TMEM163: variants seen among roughly 807,000 people sequenced by gnomAD.
TMEM163 encodes the protein transmembrane protein 163.
TMEM163 carries 17 observed loss-of-function variants against 29.3 expected under a neutral mutation model. That is an observed-to-expected ratio of 0.58 (90% CI 0.40 to 0.87). The LOEUF (loss-of-function observed/expected upper bound fraction) is 0.87, where lower values mean the gene tolerates loss of function less well. TMEM163 is among the 40% of genes least tolerant of loss of function. The pLI is 0.00. For synonymous variants in TMEM163, 157 were observed against 160.6 expected (o/e 0.98, Z 0.17); for missense variants, 303 against 381.5 (o/e 0.79, Z 1.71).
intron 2 of TMEM163, among the ~76,000 whole-genome samples, chr2:134,653,085 CT>C (rs1240162169): frequency 1.6e-5 from 2 of 121,762 alleles, no homozygotes; most frequent in Non-Finnish European, 3.3e-5. Context: ...AGGATTCCCT[CT>C]TTTTCTATTG....
chr2:134,576,824 A>G (rs1049494470), intron 2 of TMEM163, among the ~76,000 whole-genome samples: 1 of 152,234 alleles, frequency 6.6e-6, no homozygotes, highest in African/African-American at 2.4e-5. Flanking sequence ...GGAAAACACT[A>G]TCTCAGGATG....
At chr2:134,504,530 G>A (rs842128) in intron 4 of TMEM163, among the ~76,000 whole-genome samples, 29,742 of 151,182 alleles carry the variant, frequency 0.2, 3,285 homozygotes, top group South Asian at 0.37. Context: ...ACAGTGACAA[G>A]GACACAACCT....
At chr2:134,558,184 G>A (rs1681090005) in intron 2 of TMEM163, among the ~76,000 whole-genome samples, 1 of 152,084 alleles carries the variant, frequency 6.6e-6, no homozygotes, top group Non-Finnish European at 1.5e-5. Flanking sequence ...CATCTTTCTA[G>A]GTCAAATCAC....
At chr2:134,526,606 G>A (rs1680304713) in intron 4 of TMEM163, among the ~76,000 whole-genome samples, 1 of 152,174 alleles carries the variant, frequency 6.6e-6, no homozygotes, top group Non-Finnish European at 1.5e-5. Context: ...AATTATGCTA[G>A]ACAAATCAAC....
At chr2:134,566,678 A>G (rs1431184037) in intron 2 of TMEM163, among the ~76,000 whole-genome samples, 4 of 152,212 alleles carry the variant, frequency 2.6e-5, no homozygotes, top group South Asian at 2.1e-4. Flanking sequence ...GTTTATCAAA[A>G]TGTAAGATAT....
chr2:134,561,142 A>G (rs951337273), intron 2 of TMEM163, among the ~76,000 whole-genome samples: 5 of 152,222 alleles, frequency 3.3e-5, no homozygotes, highest in African/African-American at 9.6e-5. Flanking sequence ...ACTTGTTAGC[A>G]CATTTGCTAC....
chr2:134,704,701 T>A (rs1460252396), intron 2 of TMEM163, among the ~76,000 whole-genome samples: 1 of 152,000 alleles, frequency 6.6e-6, no homozygotes, highest in Non-Finnish European at 1.5e-5. Flanking sequence ...TGAATTCCAG[T>A]GAAGGCTCCC....
intron 5 of TMEM163, among the ~76,000 whole-genome samples, chr2:134,480,055 C>A (rs537050267): frequency 6.6e-6 from 1 of 152,198 alleles, no homozygotes; most frequent in Non-Finnish European, 1.5e-5. Context: ...CTGCCCCATA[C>A]GCAGTCTTGC....
At chr2:134,617,601 CAAA>C (rs780180469) in intron 2 of TMEM163, among the ~76,000 whole-genome samples, 1 of 72,446 alleles carries the variant, frequency 1.4e-5, no homozygotes, top group Non-Finnish European at 3.0e-5. Context: ...GACCCCATCT[CAAA>C]AAAAAAAAAA....
intron 2 of TMEM163, among the ~76,000 whole-genome samples, chr2:134,562,251 C>T (rs927255183): frequency 1.3e-5 from 2 of 152,162 alleles, no homozygotes; most frequent in Admixed American, 6.5e-5. Context: ...CACACAAAAG[C>T]GTGAAGTCAA....
Position 134,627,350 on chromosome 2 carries a change from T to A in TMEM163, c.323-75259A>T, listed in dbSNP as rs558096157. 2.8e-3 allele frequency among the ~76,000 whole-genome samples: 431 copies of A among 152,328 alleles called. 4 individuals carry two copies. The highest frequency in any genetic ancestry group is 9.5e-3 in the African/African-American group (396 of 41,586). ...TTTATGGATGTTTGGGACTAAATAG[T>A]TGAATCTTTATAAAAAATATTTAAT... is the stretch of plus-strand genomic sequence containing the variant. On this transcript the variant is annotated intron_variant, in intron 2 of 7. Transcript: ENST00000281924.
chr2:134,566,904 G>A (rs1218143347), intron 2 of TMEM163, among the ~76,000 whole-genome samples: 1 of 152,112 alleles, frequency 6.6e-6, no homozygotes, highest in East Asian at 1.9e-4. Flanking sequence ...GATGTGTAAC[G>A]CTGCAAAATG....
intron 2 of TMEM163, among the ~76,000 whole-genome samples, chr2:134,556,520 G>A (rs554632262): frequency 6.6e-6 from 1 of 152,334 alleles, no homozygotes; most frequent in African/African-American, 2.4e-5. Context: ...TAAAGCCTTT[G>A]CAAAGAGTAC....
intron 5 of TMEM163, among the ~76,000 whole-genome samples, chr2:134,485,336 A>G (rs1679283839): frequency 6.6e-6 from 1 of 152,262 alleles, no homozygotes; most frequent in Non-Finnish European, 1.5e-5. Context: ...GAATGGTTAC[A>G]TGGGTCCTTG....
chr2:134,714,556 A>G (rs1684997689), intron 1 of TMEM163, among the ~76,000 whole-genome samples: 1 of 152,188 alleles, frequency 6.6e-6, no homozygotes, highest in Non-Finnish European at 1.5e-5. Flanking sequence ...TCCATTTATA[A>G]CCCAGAATTG....
At chr2:134,472,960 A>G (rs1315906704) in intron 5 of TMEM163, among the ~76,000 whole-genome samples, 3 of 152,250 alleles carry the variant, frequency 2.0e-5, no homozygotes, top group South Asian at 4.1e-4. Flanking sequence ...ACTAAACAAT[A>G]AAACAACCCA....
chr2:134,533,353 T>G (rs192070589), intron 4 of TMEM163, among the ~76,000 whole-genome samples: 2,526 of 152,284 alleles, frequency 0.017, 83 homozygotes, highest in African/African-American at 0.056. Flanking sequence ...AGTTGTGTGT[T>G]TGTGTGTGTG....
intron 5 of TMEM163, among the ~76,000 whole-genome samples, chr2:134,491,517 A>G (rs1433366938): frequency 6.6e-6 from 1 of 152,144 alleles, no homozygotes; most frequent in African/African-American, 2.4e-5. Context: ...CAGATCCCAA[A>G]TTCTATGGTA....
chr2:134,535,157 G>A (rs1206956701), intron 4 of TMEM163, among the ~76,000 whole-genome samples: 1 of 152,218 alleles, frequency 6.6e-6, no homozygotes, highest in Non-Finnish European at 1.5e-5. Flanking sequence ...CACCTTGGAA[G>A]AGGAGGAGAA....
Sources: gnomAD v4.1 joint callset for allele counts (sites outside exome capture counted in the v4.1 genomes callset) on GRCh38, gnomAD v4.1.1 for gene constraint, MANE v1.5 for transcripts, NCBI Gene and HGNC (gene_info 2026-07-23, HGNC 2026-07-21) for gene names.